CNTNAP5: variants seen among roughly 807,000 people sequenced by gnomAD.
The protein encoded by CNTNAP5 is contactin associated protein family member 5.
In CNTNAP5, 72 loss-of-function variants were observed where a neutral mutation model predicts 150.2. The ratio of observed to expected loss-of-function variants is 0.48; its 90% CI spans 0.40 to 0.58. The LOEUF (loss-of-function observed/expected upper bound fraction) is 0.58. Ranked by LOEUF, CNTNAP5 falls within the 20% of genes least tolerant of loss-of-function variation. The pLI is 0.00. For missense variants in CNTNAP5, 1,636 were observed against 1,626.2 expected (o/e 1.01, Z -0.10); for synonymous variants, 672 against 619.8 (o/e 1.08, Z -1.25).
rs1353724010 is a variant in CNTNAP5 at position 124,916,295 on chromosome 2, G to C, written c.*2007G>C. 6.6e-6 allele frequency among the ~76,000 whole-genome samples: 1 copy of C among 152,024 alleles called. No individual in the cohort carries two copies. The highest frequency in any genetic ancestry group is 1.5e-5 in the Non-Finnish European group (1 of 67,964). The stretch of plus-strand genomic sequence containing the variant: ...TCTCTCCTTTTAGTTTTAATAAGAT[G>C]AATGATTCTTTAGTAAGATGAAGGA... On this transcript the variant is annotated 3_prime_UTR_variant, in exon 24 of 24. Coordinates refer to ENST00000682447, the MANE Select transcript of CNTNAP5 (RefSeq NM_001367498.1).
intron 12 of CNTNAP5, among the ~76,000 whole-genome samples, chr2:124,641,675 C>G (rs896922372): frequency 2.0e-5 from 3 of 152,132 alleles, no homozygotes; most frequent in Admixed American, 6.6e-5. Flanking sequence ...TAGACTTGCT[C>G]TATTACAATA....
At chr2:124,292,573 T>C (rs1317319454) in intron 3 of CNTNAP5, among the ~76,000 whole-genome samples, 2 of 152,156 alleles carry the variant, frequency 1.3e-5, no homozygotes, top group African/African-American at 4.8e-5. Context: ...AGAAAGTCTA[T>C]GATTTCACAT....
intron 1 of CNTNAP5, among the ~76,000 whole-genome samples, chr2:124,217,626 G>A (rs1394406704): frequency 1.3e-5 from 2 of 152,090 alleles, no homozygotes; most frequent in African/African-American, 4.8e-5. Context: ...TGTTCATCTG[G>A]CCAGTTGTAA....
In CNTNAP5 at chr2:124,752,688, G is replaced by T. The variant is rs867314564; in HGVS notation, c.2234+5303G>T. On this transcript the variant is annotated intron_variant, in intron 14 of 23. Coordinates refer to ENST00000682447, the MANE Select transcript of CNTNAP5 (RefSeq NM_001367498.1). ...TACTGATTAATGACTGTCTGCAAAG[G>T]AACTTCTCTCAACATAATCATTCAA... Among the ~76,000 whole-genome samples, 4 of 152,174 alleles carry T rather than the reference G, an allele frequency of 2.6e-5. No homozygotes were observed. In the South Asian group the frequency reaches 6.2e-4, roughly 24 times the overall value.
At chr2:124,267,427 C>T (rs969708612) in intron 3 of CNTNAP5, among the ~76,000 whole-genome samples, 3 of 152,138 alleles carry the variant, frequency 2.0e-5, no homozygotes, top group Non-Finnish European at 2.9e-5. Flanking sequence ...TGACCAACAA[C>T]CCCGTGAGCT....
At chr2:124,748,373 T>G (rs1238188886) in intron 14 of CNTNAP5, among the ~76,000 whole-genome samples, 1 of 152,174 alleles carries the variant, frequency 6.6e-6, no homozygotes, top group Non-Finnish European at 1.5e-5. Flanking sequence ...AAAATCAATT[T>G]AGTTTGAAGC....
intron 3 of CNTNAP5, among the ~76,000 whole-genome samples, chr2:124,356,533 C>T (rs1319018928): frequency 6.7e-6 from 1 of 148,394 alleles, no homozygotes; most frequent in Non-Finnish European, 1.5e-5. Context: ...GTTCAATTCC[C>T]ACCTATGAGT....
At chr2:124,610,035 T>C in intron 12 of CNTNAP5, 115 bp downstream of exon 12, 2 of 1,217,094 alleles carry the variant, frequency 1.6e-6, no homozygotes, top group Non-Finnish European at 2.2e-6. Context: ...GACCAACTGG[T>C]CTCCTTTGGG....
chr2:124,506,895 A>G (rs552595221), intron 8 of CNTNAP5, among the ~76,000 whole-genome samples: 2 of 151,966 alleles, frequency 1.3e-5, no homozygotes, highest in Admixed American at 6.6e-5. Flanking sequence ...TTCCGCACTC[A>G]CTCATGTGCT....
chr2:124,697,368 T>C (rs1679426327), intron 13 of CNTNAP5, among the ~76,000 whole-genome samples: 1 of 152,156 alleles, frequency 6.6e-6, no homozygotes, highest in African/African-American at 2.4e-5. Flanking sequence ...CATGCCTCCT[T>C]AGGCTCCTCT....
intron 1 of CNTNAP5, among the ~76,000 whole-genome samples, chr2:124,208,984 A>G (rs1464137947): frequency 1.3e-5 from 2 of 152,246 alleles, no homozygotes; most frequent in East Asian, 1.9e-4. Flanking sequence ...AGGCATCATC[A>G]TCTTCATTTT....
chr2:124,781,244 C>G (rs1681444546), intron 17 of CNTNAP5, among the ~76,000 whole-genome samples: 1 of 152,140 alleles, frequency 6.6e-6, no homozygotes, highest in Admixed American at 6.5e-5. Flanking sequence ...GAGGTACAGG[C>G]TCAGGGAAGA....
At chr2:124,566,777 A>G (rs1311184470) in intron 11 of CNTNAP5, among the ~76,000 whole-genome samples, 2 of 152,130 alleles carry the variant, frequency 1.3e-5, no homozygotes, top group South Asian at 2.1e-4. Flanking sequence ...GTTTTTAGTC[A>G]TTTTGCAAAC....
intron 19 of CNTNAP5, among the ~76,000 whole-genome samples, chr2:124,799,373 T>C (rs1488380459): frequency 6.6e-6 from 1 of 152,218 alleles, no homozygotes; most frequent in Non-Finnish European, 1.5e-5. Context: ...CTATTCTTGA[T>C]ATAGTCATGG....
At chr2:124,365,321 A>G (rs1690343908) in intron 3 of CNTNAP5, among the ~76,000 whole-genome samples, 1 of 150,056 alleles carries the variant, frequency 6.7e-6, no homozygotes. Flanking sequence ...GTCCCAAAAA[A>G]AGGAAAAAAA....
rs116460212 is a variant in CNTNAP5, at chr2:124,792,483, A to G, written c.2992+2342A>G. On this transcript the variant is annotated intron_variant, in intron 18 of 23. Transcript: ENST00000682447. Reference sequence around the variant, plus strand: ...AATAGGATTCCATCGTTTCAAATACAGAGCTTTTGTTTTGTGTATTTTTTC... The same window carrying G: ...AATAGGATTCCATCGTTTCAAATACGGAGCTTTTGTTTTGTGTATTTTTTC... Among the ~76,000 whole-genome samples the G allele has an allele frequency of 2.3e-3, 354 of 152,258 alleles. 5 individuals are homozygous for G. Among genetic ancestry groups the G allele is most frequent in the African/African-American group, 7.6e-3 (314 of 41,554 alleles).
In CNTNAP5 at chr2:124,917,959, G is replaced by T. The variant is rs888948436; in HGVS notation, c.*3671G>T. ...TTTTAAATTACTGCTTCCACCTTCT[G>T]TAAGCTGTTTTGTTTCTCCTCCTCA... is the stretch of plus-strand genomic sequence containing the variant. On this transcript the variant is annotated 3_prime_UTR_variant, in exon 24 of 24. Coordinates refer to ENST00000682447, the MANE Select transcript of CNTNAP5 (RefSeq NM_001367498.1). 6.6e-6 allele frequency among the ~76,000 whole-genome samples: 1 copy of T among 152,078 alleles called. No homozygotes were observed. Among genetic ancestry groups the T allele is most frequent in the Non-Finnish European group, 1.5e-5 (1 of 68,002 alleles).
At chr2:124,508,661 A>G (rs1694471202) in intron 8 of CNTNAP5, among the ~76,000 whole-genome samples, 1 of 152,266 alleles carries the variant, frequency 6.6e-6, no homozygotes, top group Non-Finnish European at 1.5e-5. Flanking sequence ...CACCTCTCAG[A>G]AACTGAAATA....
intron 1 of CNTNAP5, among the ~76,000 whole-genome samples, chr2:124,078,974 C>T (rs1682499941): frequency 1.3e-5 from 2 of 152,112 alleles, no homozygotes; most frequent in South Asian, 4.1e-4. Context: ...TAAACGAAAA[C>T]CACCTCCCTG....
Sources: gnomAD v4.1 joint callset for allele counts (sites outside exome capture counted in the v4.1 genomes callset) on GRCh38, gnomAD v4.1.1 for gene constraint, MANE v1.5 for transcripts, NCBI Gene and HGNC (gene_info 2026-07-23, HGNC 2026-07-21) for gene names.